The following AGMO variants were observed in gnomAD, a reference collection of about 807,000 sequenced individuals.
AGMO encodes glyceryl-ether monooxygenase.
In AGMO, 75 loss-of-function variants were observed where a neutral mutation model predicts 60.2. The observed-to-expected ratio is 1.25, with a 90% CI of 1.03 to 1.51. The LOEUF is 1.51. Ranked by LOEUF, AGMO falls within the 40% of genes most tolerant of loss-of-function variation. AGMO has a pLI of 0.00. For synonymous variants in AGMO, 261 were observed against 177.1 expected, an observed-to-expected ratio of 1.47 and a Z score of -3.76; for missense variants, 763 against 525.5, an observed-to-expected ratio of 1.45 and a Z score of -4.42.
chr7:15,376,235 G>A (rs1783444906), intron 10 of AGMO, among the ~76,000 whole-genome samples: 1 of 151,712 alleles, frequency 6.6e-6, no homozygotes, highest in Non-Finnish European at 1.5e-5. Context: ...AAAATCTTAA[G>A]GAAATGAAAT....
chr7:15,183,615 T>A, the AGMO span, among the ~76,000 whole-genome samples: 1 of 152,164 alleles, frequency 6.6e-6, no homozygotes, highest in East Asian at 1.9e-4. Flanking sequence ...CCACTTGACT[T>A]GTAGAAAGTT....
At chr7:15,505,447 A>G (rs1783488059) in intron 3 of AGMO, among the ~76,000 whole-genome samples, 1 of 151,992 alleles carries the variant, frequency 6.6e-6, no homozygotes, top group African/African-American at 2.4e-5. Flanking sequence ...ACTCAGGCAT[A>G]CAACTAAAAC....
chr7:15,139,968 G>T, the AGMO span, among the ~76,000 whole-genome samples: 4 of 150,844 alleles, frequency 2.7e-5, no homozygotes, highest in African/African-American at 9.7e-5. Context: ...ATAATGGCAG[G>T]AAATAGAATA....
chr7:15,266,168 T>C (rs536589001), intron 12 of AGMO, among the ~76,000 whole-genome samples: 1 of 152,094 alleles, frequency 6.6e-6, no homozygotes, highest in Admixed American at 6.6e-5. Flanking sequence ...GGTACTGTTT[T>C]TGTTTAATAG....
At chr7:15,227,004 G>A (rs918201158) in intron 12 of AGMO, among the ~76,000 whole-genome samples, 4 of 152,020 alleles carry the variant, frequency 2.6e-5, no homozygotes, top group African/African-American at 9.7e-5. Flanking sequence ...GTTATTTCCT[G>A]AGTAATTACT....
chr7:15,298,932 A>T (rs1784478691), intron 12 of AGMO, among the ~76,000 whole-genome samples: 1 of 152,064 alleles, frequency 6.6e-6, no homozygotes. Context: ...ATTTTCATTT[A>T]CCTTAACTCC....
At chr7:15,186,039 G>T in the AGMO span, among the ~76,000 whole-genome samples, 15 of 152,280 alleles carry the variant, frequency 9.9e-5, no homozygotes, top group Middle Eastern at 3.4e-3. Flanking sequence ...GACCCACAAA[G>T]CTCATCTGTG....
rs569401333 is a variant in AGMO at position 15,457,299 on chromosome 7, T to C, written c.410-26191A>G. 3.7e-4 allele frequency among the ~76,000 whole-genome samples: 57 copies of C among 152,258 alleles called. No homozygotes were observed. The South Asian group carries it at 0.011, about 30-fold the overall frequency. ...GCATATTTCCCTTTTTAGAAATACA[T>C]GACATTCATTACAATAACAATGATT... On this transcript the variant is annotated intron_variant, in intron 3 of 12. Transcript: ENST00000342526.
At chr7:15,274,230 G>C (rs556198869) in intron 12 of AGMO, among the ~76,000 whole-genome samples, 1 of 152,200 alleles carries the variant, frequency 6.6e-6, no homozygotes, top group South Asian at 2.1e-4. Flanking sequence ...TCCAGTTTTT[G>C]CCCATTCAGT....
intron 5 of AGMO, among the ~76,000 whole-genome samples, chr7:15,406,250 C>T (rs945797013): frequency 4.0e-4 from 59 of 149,108 alleles, no homozygotes; most frequent in Middle Eastern, 3.5e-3. Context: ...CACACACACA[C>T]ACGTATATTC....
At chr7:15,557,101 G>A (rs1785165054) in intron 2 of AGMO, among the ~76,000 whole-genome samples, 1 of 151,866 alleles carries the variant, frequency 6.6e-6, no homozygotes, top group South Asian at 2.1e-4. Context: ...TAATCTTTAA[G>A]GTACCTGAAA....
intron 12 of AGMO, among the ~76,000 whole-genome samples, chr7:15,208,884 A>C (rs1185524141): frequency 6.6e-6 from 1 of 152,188 alleles, no homozygotes; most frequent in Non-Finnish European, 1.5e-5. Flanking sequence ...CATAGACCTT[A>C]AGTGTCCTAA....
chr7:15,255,416 A>C (rs998967608), intron 12 of AGMO, among the ~76,000 whole-genome samples: 1 of 148,058 alleles, frequency 6.8e-6, no homozygotes, highest in African/African-American at 2.7e-5. Context: ...CAAAACATTT[A>C]AAGAAAGACT....
chr7:15,459,803 C>T (rs1266183349), intron 3 of AGMO, among the ~76,000 whole-genome samples: 1 of 151,846 alleles, frequency 6.6e-6, no homozygotes, highest in Non-Finnish European at 1.5e-5. Context: ...ATATTTCAAG[C>T]TATGTGAGTA....
At chr7:15,455,212 C>T (rs1441989486) in intron 3 of AGMO, among the ~76,000 whole-genome samples, 4 of 151,850 alleles carry the variant, frequency 2.6e-5, no homozygotes. Flanking sequence ...AGATGTTGTG[C>T]ACTGCTGAGC....
intron 3 of AGMO, among the ~76,000 whole-genome samples, chr7:15,459,287 C>A (rs964639469): frequency 2.6e-5 from 4 of 152,050 alleles, no homozygotes; most frequent in African/African-American, 9.7e-5. Context: ...GTGAATAAAT[C>A]AATATAGTCA....
chr7:15,427,261 G>A (rs566017706), intron 4 of AGMO, among the ~76,000 whole-genome samples: 10 of 152,194 alleles, frequency 6.6e-5, no homozygotes, highest in East Asian at 1.9e-4. Context: ...ACACATGCAC[G>A]TGTAGCTGTG....
At chr7:15,229,343 T>C (rs1782183353) in intron 12 of AGMO, among the ~76,000 whole-genome samples, 1 of 151,882 alleles carries the variant, frequency 6.6e-6, no homozygotes, top group South Asian at 2.1e-4. Flanking sequence ...CTAGGGATAA[T>C]ATATTTAAGA....
chr7:15,513,184 G>C (rs1783720858), intron 3 of AGMO, among the ~76,000 whole-genome samples: 1 of 152,116 alleles, frequency 6.6e-6, no homozygotes, highest in Non-Finnish European at 1.5e-5. Context: ...GATGTTCTTT[G>C]ATATGTGATG....
Sources: gnomAD v4.1 joint callset for allele counts (sites outside exome capture counted in the v4.1 genomes callset) on GRCh38, gnomAD v4.1.1 for gene constraint, MANE v1.5 for transcripts, NCBI Gene and HGNC (gene_info 2026-07-23, HGNC 2026-07-21) for gene names.